ZC3H11A: variants seen among roughly 807,000 people sequenced by gnomAD.
The protein encoded by ZC3H11A is zinc finger CCCH domain-containing protein 11A.
A neutral mutation model predicts 90.8 loss-of-function variants in ZC3H11A; 22 were observed. The ratio of observed to expected loss-of-function variants is 0.24; its 90% CI spans 0.17 to 0.35. The LOEUF is 0.35. Ranked by LOEUF, ZC3H11A falls within the 10% of genes least tolerant of loss-of-function variation. The pLI, the probability that ZC3H11A is intolerant of heterozygous loss-of-function variation, is 1.00. For missense variants in ZC3H11A, 701 were observed against 964.9 expected (o/e 0.73, Z 3.62); for synonymous variants, 294 against 339.8 (o/e 0.87, Z 1.48).
At chr1:203,838,954 C>CAAAAAA (rs59033094) in intron 11 of ZC3H11A, among the ~76,000 whole-genome samples, 2 of 97,934 alleles carry the variant, frequency 2.0e-5, no homozygotes, top group East Asian at 3.1e-4. Context: ...GACTTCATCT[C>CAAAAAA]AAAAAAAAAA....
rs1688874247 is a variant in ZC3H11A at position 203,850,003 on chromosome 1, A to G, written c.1916A>G (p.Gln639Arg). The G allele has an allele frequency of 6.2e-7, 1 of 1,613,916 alleles. No homozygotes were observed. Among genetic ancestry groups the G allele is most frequent in the Non-Finnish European group, 8.5e-7 (1 of 1,180,016 alleles). The change falls in exon 15 of 18, where the codon CAG becomes CGG. Residue 639 changes from glutamine to arginine, a missense_variant. Gln to Arg is a conservative substitution (Grantham distance 43). Around this residue, in one of 4 missense-constraint regions of ZC3H11A, gnomAD observed 530 missense variants for 696.2 expected, o/e 0.76. Transcript: ENST00000367210. ...DSLLNVKCAA[Q>R]TLEKRGKAKP... ...TTATTGAATGTGAAATGTGCAGCACAGACCTTGGAAAAAAGGGGTAAAGGC... is the reference window on the plus strand; with the variant it reads ...TTATTGAATGTGAAATGTGCAGCACGGACCTTGGAAAAAAGGGGTAAAGGC...
intron 2 of ZC3H11A, among the ~76,000 whole-genome samples, chr1:203,808,138 C>T (rs1673018935): frequency 6.6e-6 from 1 of 151,956 alleles, no homozygotes; most frequent in Non-Finnish European, 1.5e-5. Flanking sequence ...AGTATAAGTA[C>T]ATAGGTGATA....
chr1:203,819,851 T>A lies in ZC3H11A; in HGVS notation c.174+1162T>A, dbSNP rs556220448. Among the ~76,000 whole-genome samples, 10 of 151,954 alleles carry A rather than the reference T, an allele frequency of 6.6e-5. No homozygotes were observed. The South Asian group carries it at 1.7e-3, about 25-fold the overall frequency. ...GCCCAGCCGACTCCAGCAATTTTTTTAAAAAGATTAACATTGATATATTAC... is the reference window on the plus strand; with the variant it reads ...GCCCAGCCGACTCCAGCAATTTTTTAAAAAAGATTAACATTGATATATTAC... On this transcript the variant is annotated intron_variant, in intron 4 of 17. Coordinates refer to ENST00000367210, the MANE Select transcript of ZC3H11A (RefSeq NM_001376342.1).
intron 8 of ZC3H11A, 90 bp from the exon 9 acceptor site, chr1:203,831,571 G>T (rs1379005302): frequency 9.9e-7 from 1 of 1,009,196 alleles, no homozygotes; most frequent in Non-Finnish European, 1.5e-6. Flanking sequence ...GTCTGTATTG[G>T]ACTTAACTGG....
chr1:203,843,516 C>T (rs908253866), intron 12 of ZC3H11A, among the ~76,000 whole-genome samples: 11 of 152,156 alleles, frequency 7.2e-5, no homozygotes, highest in Non-Finnish European at 1.6e-4. Context: ...AAGGAATTGA[C>T]AATTTTTTTC....
chr1:203,819,245 G>A (rs1297699188), intron 4 of ZC3H11A, among the ~76,000 whole-genome samples: 6 of 139,346 alleles, frequency 4.3e-5, no homozygotes, highest in Non-Finnish European at 7.6e-5. Flanking sequence ...TTTTTGAAAC[G>A]GAGTCTCACT....
At chr1:203,831,397 A>G (rs1242611899) in intron 8 of ZC3H11A, among the ~76,000 whole-genome samples, 1 of 152,132 alleles carries the variant, frequency 6.6e-6, no homozygotes, top group African/African-American at 2.4e-5. Flanking sequence ...TTATTGGTAA[A>G]TATTAGCCTT....
Position 203,809,395 on chromosome 1 carries a change from T to C in ZC3H11A, c.-146+6379T>C, listed in dbSNP as rs1260184903. ...TTTCACCATATTGGCCAGGCTGGTC[T>C]CAAACTCCTGACCTCGTGATCCGCC... On this transcript the variant is annotated intron_variant, in intron 2 of 17. Transcript: ENST00000367210. Among the ~76,000 whole-genome samples the C allele has an allele frequency of 2.6e-5, 4 of 151,448 alleles. No homozygotes were observed. The East Asian group carries it at 7.8e-4, about 30-fold the overall frequency.
intron 12 of ZC3H11A, among the ~76,000 whole-genome samples, chr1:203,842,625 CTTTT>C (rs575844553): frequency 7.0e-5 from 9 of 128,326 alleles, no homozygotes; most frequent in African/African-American, 2.3e-4. Context: ...GAGGGGGAAT[CTTTT>C]TTTTTTTTTT....
chr1:203,834,633 C>T (rs1486292593), intron 10 of ZC3H11A, among the ~76,000 whole-genome samples: 3 of 152,052 alleles, frequency 2.0e-5, no homozygotes, highest in Non-Finnish European at 4.4e-5. Flanking sequence ...ACTACCCTAA[C>T]GTGTCTGACT....
rs1327616971 is a variant in ZC3H11A, at chr1:203,831,695, C to G, written c.735C>G (p.His245Gln). ...GSSGVSSLLL[H>Q]PEPVPGPEKE... Reference sequence around the variant, plus strand: ...CAGGAGTTTCCAGTCTTTTACTCCACCCTGAGCCCGTTCCAGGTCCTGAAA... The same window carrying G: ...CAGGAGTTTCCAGTCTTTTACTCCAGCCTGAGCCCGTTCCAGGTCCTGAAA... The change falls in exon 9 of 18, where the codon CAC (histidine) becomes CAG (glutamine). Residue 245 changes from histidine to glutamine, a missense_variant. Transcript: ENST00000367210. 1 of 1,613,052 alleles carries G rather than the reference C, an allele frequency of 6.2e-7. No homozygotes were observed. Among genetic ancestry groups the G allele is most frequent in the Non-Finnish European group, 8.5e-7 (1 of 1,179,632 alleles).
intron 2 of ZC3H11A, chr1:203,805,709 G>A (rs1672084243): frequency 3.0e-6 from 2 of 661,714 alleles, no homozygotes; most frequent in Non-Finnish European, 2.9e-6. Context: ...GGAATTGCAG[G>A]TGCAGATGCT....
intron 3 of ZC3H11A, among the ~76,000 whole-genome samples, chr1:203,817,838 C>T (rs1451978270): frequency 1.3e-4 from 20 of 151,966 alleles, no homozygotes; most frequent in African/African-American, 2.4e-4. Context: ...CTGTAACCTC[C>T]GCCTCCCAGG....
At chr1:203,815,205 CCTTT>C (rs1466350237) in intron 2 of ZC3H11A, among the ~76,000 whole-genome samples, 1 of 63,410 alleles carries the variant, frequency 1.6e-5, no homozygotes, top group Non-Finnish European at 3.0e-5. Context: ...TTATTTTCTT[CCTTT>C]TCTTTTCTTT....
chr1:203,821,207 C>A (rs1410654161), intron 4 of ZC3H11A, among the ~76,000 whole-genome samples: 1 of 152,156 alleles, frequency 6.6e-6, no homozygotes, highest in African/African-American at 2.4e-5. Context: ...CGCTCTCTTG[C>A]TGCCATGTAA....
chr1:203,824,697 G>A (rs967371356), intron 4 of ZC3H11A, among the ~76,000 whole-genome samples: 1 of 152,138 alleles, frequency 6.6e-6, no homozygotes, highest in African/African-American at 2.4e-5. Flanking sequence ...GTTGGTGGTG[G>A]TGCTGCTTAA....
intron 2 of ZC3H11A, among the ~76,000 whole-genome samples, chr1:203,812,842 A>G (rs1168169101): frequency 2.0e-5 from 3 of 152,086 alleles, no homozygotes; most frequent in Admixed American, 6.6e-5. Context: ...TCGGCCTCCC[A>G]AAGTGCTGGG....
At chr1:203,813,100 C>A (rs1433436830) in intron 2 of ZC3H11A, among the ~76,000 whole-genome samples, 2 of 152,088 alleles carry the variant, frequency 1.3e-5, no homozygotes, top group Non-Finnish European at 2.9e-5. Context: ...CAAATATTTT[C>A]TCCCAGCCTG....
chr1:203,834,720 G>T (rs1683675121), intron 10 of ZC3H11A, among the ~76,000 whole-genome samples: 1 of 152,184 alleles, frequency 6.6e-6, no homozygotes, highest in African/African-American at 2.4e-5. Flanking sequence ...CACAATCTCA[G>T]CTCACTGCAA....
Sources: allele counts gnomAD v4.1 joint callset (sites outside exome capture counted in the v4.1 genomes callset), GRCh38; gene constraint gnomAD v4.1.1; regional missense constraint gnomAD v4.1.1; transcripts MANE v1.5; gene names NCBI Gene and HGNC (gene_info 2026-07-23, HGNC 2026-07-21).